MAPT: variants seen among roughly 807,000 people sequenced by gnomAD.
MAPT encodes microtubule-associated protein tau.
MAPT carries 34 observed loss-of-function variants against 67.9 expected under a neutral mutation model. That is an observed-to-expected ratio of 0.50 (90% CI 0.38 to 0.67). The LOEUF (loss-of-function observed/expected upper bound fraction) is 0.67, where lower values mean the gene tolerates loss of function less well. Among genes scored for constraint, MAPT ranks in the 30% least tolerant of loss-of-function variants. The probability of loss-of-function intolerance (pLI) is 0.00; values close to 1 mark genes in which losing one functional copy is unlikely to be tolerated. For synonymous variants in MAPT, 456 were observed against 464.5 expected (o/e 0.98, Z 0.23); for missense variants, 881 against 1,115.2 (o/e 0.79, Z 2.99).
intron 7 of MAPT, among the ~76,000 whole-genome samples, 157 bp downstream of exon 7, chr17:45,990,232 AAG>A (rs1479671518): frequency 2.0e-5 from 3 of 152,162 alleles, no homozygotes; most frequent in African/African-American, 7.2e-5. Flanking sequence ...CAAAGGGGAA[AAG>A]AGAGCTGGGG....
intron 1 of MAPT, among the ~76,000 whole-genome samples, chr17:45,952,948 C>T (rs953432690): frequency 6.6e-6 from 1 of 152,122 alleles, no homozygotes; most frequent in Non-Finnish European, 1.5e-5. Flanking sequence ...CTGCCTCTTA[C>T]TGGCTGTGTG....
intron 9 of MAPT, among the ~76,000 whole-genome samples, chr17:46,008,498 C>G (rs1473093370): frequency 6.6e-6 from 1 of 152,172 alleles, no homozygotes; most frequent in Non-Finnish European, 1.5e-5. Flanking sequence ...CAAGGAAATA[C>G]AACAAAATGC....
At chr17:45,900,296 T>A (rs1253169348) in intron 1 of MAPT, among the ~76,000 whole-genome samples, 1 of 152,236 alleles carries the variant, frequency 6.6e-6, no homozygotes, top group East Asian at 1.9e-4. Context: ...ATTCCTTTCC[T>A]GTCTCCAGGT....
chr17:45,975,560 A>G (rs1343515245), intron 3 of MAPT: 1 of 152,168 alleles, frequency 6.6e-6, no homozygotes, highest in Non-Finnish European at 1.5e-5. Flanking sequence ...GATCACAGGG[A>G]ACTTGAGTTT....
intron 11 of MAPT, among the ~76,000 whole-genome samples, chr17:46,014,736 T>C (rs1032728472): frequency 3.3e-5 from 5 of 151,756 alleles, no homozygotes; most frequent in African/African-American, 1.2e-4. Context: ...TAGCCGGGCG[T>C]GGTGGTGGGC....
chr17:45,902,150 C>A (rs1228937317), intron 1 of MAPT, among the ~76,000 whole-genome samples: 1 of 152,136 alleles, frequency 6.6e-6, no homozygotes, highest in Non-Finnish European at 1.5e-5. Flanking sequence ...TCTTGGCTCA[C>A]TGCGACCTCC....
intron 1 of MAPT, among the ~76,000 whole-genome samples, chr17:45,937,387 A>C (rs1187554644): frequency 6.6e-6 from 1 of 152,144 alleles, no homozygotes; most frequent in Non-Finnish European, 1.5e-5. Flanking sequence ...CAGGAGTTTG[A>C]GACCAGCCTG....
intron 1 of MAPT, among the ~76,000 whole-genome samples, chr17:45,937,698 G>A (rs1416566516): frequency 1.3e-5 from 2 of 151,386 alleles, no homozygotes; most frequent in African/African-American, 2.4e-5. Context: ...GGAGGCGGCC[G>A]TCATTCTGGG....
chr17:45,941,652 T>A, intron 1 of MAPT, among the ~76,000 whole-genome samples: 1 of 87,836 alleles, frequency 1.1e-5, no homozygotes, highest in Non-Finnish European at 2.1e-5. Flanking sequence ...CCTTCCCCCC[T>A]TCCACCCTTC....
chr17:45,966,660 A>G (rs1268756742), intron 2 of MAPT, among the ~76,000 whole-genome samples: 1 of 152,222 alleles, frequency 6.6e-6, no homozygotes, highest in Non-Finnish European at 1.5e-5. Context: ...AGAGAAAACT[A>G]AATTTAATGT....
chr17:45,941,705 G>T (rs28667961), intron 1 of MAPT, among the ~76,000 whole-genome samples: 8,474 of 24,740 alleles, frequency 0.34, 1,098 homozygotes, highest in East Asian at 0.53. Flanking sequence ...CTTCCTGCCT[G>T]CCTTCCTTCC....
intron 1 of MAPT, chr17:45,895,431 A>C (rs1031919987): frequency 2.0e-5 from 3 of 152,268 alleles, no homozygotes; most frequent in African/African-American, 7.2e-5. Context: ...GCCGTGCCTG[A>C]GAACAGTGCG....
rs2146017422 is a variant in MAPT, at chr17:46,010,222, G to A, written c.1999-88G>A. 1.5e-5 allele frequency: 13 copies of A among 861,676 alleles called. No homozygotes were observed. In the South Asian group the frequency reaches 1.8e-4, roughly 12 times the overall value. 53.4% of individuals were successfully genotyped at this position (861,676 alleles called of 1,614,324 possible). A position where few individuals can be genotyped will look rare whatever the true frequency, so the allele number is the denominator to read the frequency against. ...AGTAGGCGGGTCCAGGGTGGCGCATGTCACTCATCGAAAGTGGAGGCGTCC... is the reference window on the plus strand; with the variant it reads ...AGTAGGCGGGTCCAGGGTGGCGCATATCACTCATCGAAAGTGGAGGCGTCC... On this transcript the variant is annotated intron_variant, in intron 9 of 12. Coordinates refer to ENST00000262410, the MANE Select transcript of MAPT (RefSeq NM_001377265.1). The surrounding 1 kb of genome is among the most constrained non-coding windows in gnomAD (Gnocchi z 4.7).
chr17:45,979,106 G>A (rs2072692904), intron 4 of MAPT: 1 of 152,100 alleles, frequency 6.6e-6, no homozygotes, highest in Non-Finnish European at 1.5e-5. Flanking sequence ...ATCCCCAAGC[G>A]ATTGCTTGTA....
At chr17:45,930,943 G>A (rs548623091) in intron 1 of MAPT, among the ~76,000 whole-genome samples, 2 of 152,332 alleles carry the variant, frequency 1.3e-5, no homozygotes, top group African/African-American at 4.8e-5. Flanking sequence ...ACCATCTTCT[G>A]TGGGTCCTGC....
intron 1 of MAPT, among the ~76,000 whole-genome samples, chr17:45,934,538 C>T (rs1488905552): frequency 6.6e-6 from 1 of 152,020 alleles, no homozygotes; most frequent in East Asian, 1.9e-4. Flanking sequence ...TGGTTGAGAA[C>T]GTATGTCCTG....
intron 1 of MAPT, among the ~76,000 whole-genome samples, chr17:45,944,774 C>T (rs957514150): frequency 1.3e-5 from 2 of 152,194 alleles, no homozygotes; most frequent in East Asian, 3.9e-4. Context: ...CCAAGGGTGC[C>T]TCTGAGAGGC....
chr17:45,950,328 A>C (rs1232673449), intron 1 of MAPT, among the ~76,000 whole-genome samples: 1 of 152,144 alleles, frequency 6.6e-6, no homozygotes, highest in African/African-American at 2.4e-5. Flanking sequence ...ACAACACCTC[A>C]GGGGACAGCC....
At chr17:45,958,717 A>T (rs1454284279) in intron 1 of MAPT, among the ~76,000 whole-genome samples, 13 of 143,920 alleles carry the variant, frequency 9.0e-5, no homozygotes, top group Non-Finnish European at 1.7e-4. Context: ...TGAGACCCTG[A>T]CTTAAAAGAA....
Sources: allele counts gnomAD v4.1 joint callset (sites outside exome capture counted in the v4.1 genomes callset), GRCh38; gene constraint gnomAD v4.1.1; non-coding constraint Gnocchi (gnomAD v3.1); transcripts MANE v1.5; gene names NCBI Gene and HGNC (gene_info 2026-07-23, HGNC 2026-07-21).